The following NXPE4 variants were observed in gnomAD, a reference collection of about 807,000 sequenced individuals.
The protein encoded by NXPE4 is neurexophilin and PC-esterase domain family member 4, also known as NXPE family member 4.
Under a neutral mutation model 33.3 loss-of-function variants are expected in NXPE4, and 42 were observed. The ratio of observed to expected loss-of-function variants is 1.26; its 90% CI spans 0.98 to 1.63. The LOEUF (loss-of-function observed/expected upper bound fraction) is 1.63, where lower values mean the gene tolerates loss of function less well. NXPE4 is among the 40% of genes most tolerant of loss of function. The pLI, the probability that NXPE4 is intolerant of heterozygous loss-of-function variation, is 0.00. For synonymous variants in NXPE4, 253 were observed against 234.9 expected (o/e 1.08, Z -0.71); for missense variants, 709 against 647.6 (o/e 1.09, Z -1.03).
At chr11:114,581,935 C>A (rs1949155681) in intron 3 of NXPE4, 149 bp from the exon 4 acceptor site, 1 of 652,410 alleles carries the variant, frequency 1.5e-6, no homozygotes, top group Non-Finnish European at 2.6e-6. Context: ...ATTTCCATTT[C>A]TTTGCCTATT....
the NXPE4 span, among the ~76,000 whole-genome samples, chr11:114,617,529 C>T: frequency 1.2e-4 from 18 of 152,174 alleles, no homozygotes; most frequent in Non-Finnish European, 1.6e-4. Flanking sequence ...CGTGTTGCCT[C>T]GTGGCTAACC....
At chr11:114,581,649 CA>C (rs1475738630) in intron 4 of NXPE4, 75 bp downstream of exon 4, 1 of 1,241,940 alleles carries the variant, frequency 8.1e-7, no homozygotes, top group Non-Finnish European at 1.2e-6. Flanking sequence ...AAACAGTGAA[CA>C]AATCCAGTAG....
At chr11:114,598,352 C>T (rs562223521), upstream of NXPE4, among the ~76,000 whole-genome samples, 1 of 73,424 alleles carries the variant, frequency 1.4e-5, no homozygotes, top group African/African-American at 5.6e-5. Context: ...ATCTACCATT[C>T]TGGGGTCTGG....
chr11:114,600,109 TA>T (rs1949620463), upstream of NXPE4, among the ~76,000 whole-genome samples: 1 of 152,150 alleles, frequency 6.6e-6, no homozygotes, highest in Non-Finnish European at 1.5e-5. Context: ...TAATGAATAC[TA>T]AAATCAGTGA....
the NXPE4 span, among the ~76,000 whole-genome samples, chr11:114,610,407 G>A: frequency 6.8e-6 from 1 of 147,486 alleles, no homozygotes; most frequent in East Asian, 2.1e-4. Context: ...TGTTATCCAG[G>A]GAATAATACC....
chr11:114,643,120 T>C, the NXPE4 span, among the ~76,000 whole-genome samples: 1 of 152,116 alleles, frequency 6.6e-6, no homozygotes. Flanking sequence ...TGTTTTTTTC[T>C]TGTAAATTTA....
chr11:114,628,849 G>C, the NXPE4 span, among the ~76,000 whole-genome samples: 2 of 151,802 alleles, frequency 1.3e-5, no homozygotes, highest in Non-Finnish European at 2.9e-5. Context: ...TATCACCACC[G>C]ATCCCACAGA....
upstream of NXPE4, among the ~76,000 whole-genome samples, chr11:114,597,226 T>TA (rs1949583299): frequency 6.6e-6 from 1 of 151,962 alleles, no homozygotes; most frequent in South Asian, 2.1e-4. Context: ...AATGAAATAA[T>TA]AAAAAATGTT....
At chr11:114,645,164 T>C in the NXPE4 span, among the ~76,000 whole-genome samples, 1 of 152,076 alleles carries the variant, frequency 6.6e-6, no homozygotes, top group African/African-American at 2.4e-5. Flanking sequence ...TAGCTGGGCG[T>C]GATGGCGTGC....
chr11:114,630,348 T>C, the NXPE4 span, among the ~76,000 whole-genome samples: 11 of 151,556 alleles, frequency 7.3e-5, no homozygotes, highest in African/African-American at 2.7e-4. Context: ...GAACAGAACA[T>C]AGCCCTCAGA....
At chr11:114,636,119 T>TG in the NXPE4 span, among the ~76,000 whole-genome samples, 18 of 151,896 alleles carry the variant, frequency 1.2e-4, no homozygotes, top group Admixed American at 1.1e-3. Flanking sequence ...GGTAAGCTAT[T>TG]GATTATTGCC....
the NXPE4 span, among the ~76,000 whole-genome samples, chr11:114,602,125 T>G: frequency 9.8e-6 from 1 of 102,026 alleles, no homozygotes. Context: ...ATTATATATA[T>G]TATACATAAC....
chr11:114,658,081 C>T, the NXPE4 span, among the ~76,000 whole-genome samples: 1 of 152,146 alleles, frequency 6.6e-6, no homozygotes, highest in Non-Finnish European at 1.5e-5. Flanking sequence ...GAGGACTTAG[C>T]TGCAAGAGGC....
the NXPE4 span, among the ~76,000 whole-genome samples, chr11:114,621,220 C>T: frequency 6.6e-6 from 1 of 152,082 alleles, no homozygotes; most frequent in Non-Finnish European, 1.5e-5. Flanking sequence ...TAAGTGTTGC[C>T]TCATGGGTAA....
chr11:114,648,556 G>A, the NXPE4 span, among the ~76,000 whole-genome samples: 1 of 152,082 alleles, frequency 6.6e-6, no homozygotes, highest in Non-Finnish European at 1.5e-5. Context: ...AACACCCAGA[G>A]TAATGATTAT....
At chr11:114,669,520 T>C in the NXPE4 span, among the ~76,000 whole-genome samples, 1 of 152,096 alleles carries the variant, frequency 6.6e-6, no homozygotes, top group Admixed American at 6.6e-5. Context: ...TCCTGGACTC[T>C]CTTTCTCTAC....
the NXPE4 span, among the ~76,000 whole-genome samples, chr11:114,629,182 A>G: frequency 6.6e-6 from 1 of 152,122 alleles, no homozygotes; most frequent in African/African-American, 2.4e-5. Context: ...TGAGGCCAGC[A>G]TCATTCTGAT....
the NXPE4 span, among the ~76,000 whole-genome samples, chr11:114,648,051 G>T: frequency 6.6e-6 from 1 of 151,948 alleles, no homozygotes; most frequent in Non-Finnish European, 1.5e-5. Context: ...TATTCCCTGT[G>T]GTATATAAGA....
chr11:114,593,184 A>G (rs938189584), intron 2 of NXPE4, among the ~76,000 whole-genome samples: 7 of 152,174 alleles, frequency 4.6e-5, no homozygotes, highest in African/African-American at 1.7e-4. Context: ...ATGGGATTAT[A>G]TAAAACTAAA....
Sources: allele counts gnomAD v4.1 joint callset (sites outside exome capture counted in the v4.1 genomes callset), GRCh38; gene constraint gnomAD v4.1.1; transcripts MANE v1.5; gene names NCBI Gene and HGNC (gene_info 2026-07-23, HGNC 2026-07-21).